The following TNFRSF10B variants were observed in gnomAD, a reference collection of about 807,000 sequenced individuals.
The protein encoded by TNFRSF10B is tumor necrosis factor receptor superfamily member 10B.
TNFRSF10B carries 35 observed loss-of-function variants against 41.4 expected under a neutral mutation model. The observed-to-expected ratio is 0.85, with a 90% confidence interval of 0.65 to 1.12. TNFRSF10B has a LOEUF of 1.12. Among genes scored for constraint, TNFRSF10B ranks in the 50% most tolerant of loss-of-function variants. TNFRSF10B has a pLI of 0.00. For missense variants in TNFRSF10B, 584 were observed against 552.7 expected (o/e 1.06, Z -0.57); for synonymous variants, 230 against 215.5 (o/e 1.07, Z -0.59).
At chr8:23,026,150 T>A (rs1811695841) in intron 7 of TNFRSF10B, among the ~76,000 whole-genome samples, 1 of 152,134 alleles carries the variant, frequency 6.6e-6, no homozygotes, top group South Asian at 2.1e-4. Flanking sequence ...CCTTTTAAAA[T>A]CTCTTCTCTT....
intron 1 of TNFRSF10B, among the ~76,000 whole-genome samples, chr8:23,055,093 G>C (rs1222795566): frequency 6.6e-6 from 1 of 151,802 alleles, no homozygotes; most frequent in Non-Finnish European, 1.5e-5. Flanking sequence ...AATTTTTCTG[G>C]CTGCAAGTCT....
intron 2 of TNFRSF10B, among the ~76,000 whole-genome samples, chr8:23,036,787 G>A (rs888248174): frequency 1.3e-5 from 2 of 152,216 alleles, no homozygotes; most frequent in Non-Finnish European, 1.5e-5. Flanking sequence ...AGGTTGTAGT[G>A]AGCCGAGGTC....
At chr8:23,056,222 G>GT (rs1406040615) in intron 1 of TNFRSF10B, among the ~76,000 whole-genome samples, 8 of 147,956 alleles carry the variant, frequency 5.4e-5, no homozygotes, top group African/African-American at 2.0e-4. Context: ...AGCACATACT[G>GT]TCCTTATAGA....
chr8:23,020,380 A>G lies in TNFRSF10B; in HGVS notation c.*2291T>C, dbSNP rs1194544564. The stretch of plus-strand genomic sequence containing the variant: ...AAACAACAAAACCCCCAATTATTTC[A>G]TGTCGTCAGGAAGCTTACTTTAAAA... On this transcript the variant is annotated 3_prime_UTR_variant, in exon 9 of 9. Transcript: ENST00000276431. 2 of 453,908 alleles carry G rather than the reference A, an allele frequency of 4.4e-6. No homozygotes were observed. Among genetic ancestry groups the G allele is most frequent in the African/African-American group, 4.0e-5 (2 of 49,972 alleles). The allele number at this position is 453,908 out of a possible 1,614,324, so 28.1% of individuals were successfully genotyped here. A position where few individuals can be genotyped will look rare whatever the true frequency, so the allele number is the denominator to read the frequency against.
intron 2 of TNFRSF10B, among the ~76,000 whole-genome samples, chr8:23,037,683 C>T (rs1312708018): frequency 6.6e-6 from 1 of 152,188 alleles, no homozygotes; most frequent in African/African-American, 2.4e-5. Flanking sequence ...AAACTGCTGG[C>T]TTGGTAAGAT....
At chr8:23,050,805 G>A (rs12114478) in intron 1 of TNFRSF10B, among the ~76,000 whole-genome samples, 36,498 of 151,888 alleles carry the variant, frequency 0.24, 4,555 homozygotes, top group Non-Finnish European at 0.25. Context: ...CGGGCGTGGT[G>A]TCTCATGCCT....
chr8:23,059,705 G>A (rs960483370), intron 1 of TNFRSF10B, among the ~76,000 whole-genome samples: 1 of 151,968 alleles, frequency 6.6e-6, no homozygotes, highest in East Asian at 1.9e-4. Context: ...GTGGAGACGG[G>A]GTCTCACCAT....
chr8:23,051,871 C>T (rs1408285338), intron 1 of TNFRSF10B, among the ~76,000 whole-genome samples: 1 of 152,116 alleles, frequency 6.6e-6, no homozygotes, highest in East Asian at 1.9e-4. Context: ...ATCTTCTGGC[C>T]TTAAGCAGTC....
chr8:23,031,251 T>A (rs1029024403), intron 2 of TNFRSF10B, among the ~76,000 whole-genome samples: 7 of 151,920 alleles, frequency 4.6e-5, no homozygotes, highest in Non-Finnish European at 7.4e-5. Flanking sequence ...AATTTTTGTA[T>A]TTTTTTAGTA....
At chr8:23,056,389 C>A (rs1053998602) in intron 1 of TNFRSF10B, among the ~76,000 whole-genome samples, 1 of 152,138 alleles carries the variant, frequency 6.6e-6, no homozygotes, top group East Asian at 1.9e-4. Context: ...GTGTGGCTCA[C>A]GCCTGTAATC....
chr8:23,024,331 C>G, intron 7 of TNFRSF10B, 71 bp from the exon 8 acceptor site: 6 of 1,562,950 alleles, frequency 3.8e-6, no homozygotes, highest in Non-Finnish European at 5.3e-6. Context: ...CCCCGACCAC[C>G]AGCCAGCTCT....
chr8:23,042,446 G>C (rs1204275333), intron 2 of TNFRSF10B, among the ~76,000 whole-genome samples: 1 of 152,202 alleles, frequency 6.6e-6, no homozygotes, highest in East Asian at 1.9e-4. Flanking sequence ...GAACACAACA[G>C]TCAAGCACAC....
At chr8:23,062,206 T>C (rs1369623894) in intron 1 of TNFRSF10B, among the ~76,000 whole-genome samples, 2 of 152,060 alleles carry the variant, frequency 1.3e-5, no homozygotes, top group Admixed American at 6.6e-5. Context: ...ATTTTCTCTA[T>C]GGTTTTTCTT....
At chr8:23,023,056 C>A in intron 8 of TNFRSF10B, 72 bp from the exon 9 acceptor site, 1 of 1,571,942 alleles carries the variant, frequency 6.4e-7, no homozygotes, top group Non-Finnish European at 8.6e-7. Context: ...CACATCAGGC[C>A]CAGAACCCAA....
At chr8:23,046,074 A>C (rs1344277237) in intron 1 of TNFRSF10B, among the ~76,000 whole-genome samples, 1 of 152,246 alleles carries the variant, frequency 6.6e-6, no homozygotes, top group African/African-American at 2.4e-5. Context: ...TGGTACTGGA[A>C]GTCCTAGCCA....
chr8:23,050,099 G>T lies in TNFRSF10B; in HGVS notation c.145-6856C>A, dbSNP rs117685142. 7.1e-3 allele frequency among the ~76,000 whole-genome samples: 1,076 copies of T among 152,312 alleles called. 6 individuals are homozygous for T. Among genetic ancestry groups the T allele is most frequent in the Non-Finnish European group, 0.012 (816 of 68,030 alleles). The stretch of plus-strand genomic sequence containing the variant: ...GACGTGCTCAAAGGGTGAGTCAATG[G>T]GATCTTAGGCCAGGAGCCTATTGTT... On this transcript the variant is annotated intron_variant, in intron 1 of 8. Transcript: ENST00000276431.
chr8:23,068,415 CAG>C (rs955456280), intron 1 of TNFRSF10B: 4 of 412,730 alleles, frequency 9.7e-6, no homozygotes, highest in East Asian at 4.8e-5. Flanking sequence ...GAGAAAGAAA[CAG>C]AAAGTAAGGA....
At chr8:23,047,309 A>G (rs60392511) in intron 1 of TNFRSF10B, among the ~76,000 whole-genome samples, 28,940 of 149,578 alleles carry the variant, frequency 0.19, 3,373 homozygotes, top group East Asian at 0.48. Context: ...GTGAGTCAAG[A>G]TCATGCCATT....
intron 1 of TNFRSF10B, among the ~76,000 whole-genome samples, chr8:23,054,364 A>T (rs1812604752): frequency 6.6e-6 from 1 of 152,234 alleles, no homozygotes; most frequent in Non-Finnish European, 1.5e-5. Flanking sequence ...TGAGCTATTA[A>T]CACCTTTTAA....
Sources: allele counts gnomAD v4.1 joint callset (sites outside exome capture counted in the v4.1 genomes callset), GRCh38; gene constraint gnomAD v4.1.1; transcripts MANE v1.5; gene names NCBI Gene and HGNC (gene_info 2026-07-23, HGNC 2026-07-21).